Variants in LMBR1 observed in about 807,000 individuals in gnomAD.
LMBR1 encodes the protein limb development membrane protein 1.
A neutral mutation model predicts 73.9 loss-of-function variants in LMBR1; 52 were observed. The ratio of observed to expected loss-of-function variants is 0.70; its 90% CI spans 0.56 to 0.89. LMBR1 has a LOEUF of 0.89. LMBR1 is among the 40% of genes least tolerant of loss of function. The pLI, the probability that LMBR1 is intolerant of heterozygous loss-of-function variation, is 0.00. For missense variants in LMBR1, 539 were observed against 579.8 expected (o/e 0.93, Z 0.72); for synonymous variants, 215 against 209.4 (o/e 1.03, Z -0.23).
At chr7:156,797,137 A>G (rs936485087) in intron 4 of LMBR1, among the ~76,000 whole-genome samples, 2 of 152,192 alleles carry the variant, frequency 1.3e-5, no homozygotes, top group African/African-American at 4.8e-5. Flanking sequence ...ACATCACAGA[A>G]ATTTTGGTAA....
chr7:156,718,811 C>A (rs1813804703), intron 15 of LMBR1, among the ~76,000 whole-genome samples: 2 of 151,588 alleles, frequency 1.3e-5, no homozygotes, highest in Non-Finnish European at 2.9e-5. Context: ...CCCTTACGAT[C>A]ATTTGTCTAG....
At chr7:156,675,476 G>A (rs977220797), downstream of LMBR1, among the ~76,000 whole-genome samples, 1 of 152,190 alleles carries the variant, frequency 6.6e-6, no homozygotes, top group Non-Finnish European at 1.5e-5. Context: ...TTGGGGTAGT[G>A]TGTTCTGGAC....
intron 5 of LMBR1, among the ~76,000 whole-genome samples, chr7:156,784,578 T>G (rs1024261653): frequency 1.3e-5 from 2 of 152,194 alleles, no homozygotes; most frequent in African/African-American, 4.8e-5. Context: ...GCCACATGGT[T>G]TTAATTCTCT....
chr7:156,723,533 G>A (rs2132355498), intron 15 of LMBR1, among the ~76,000 whole-genome samples: 1 of 152,192 alleles, frequency 6.6e-6, no homozygotes, highest in African/African-American at 2.4e-5. Context: ...CTATTTCAAT[G>A]ACAAAGCAAA....
intron 1 of LMBR1, among the ~76,000 whole-genome samples, chr7:156,864,290 C>G (rs1798144489): frequency 6.6e-6 from 1 of 152,266 alleles, no homozygotes; most frequent in African/African-American, 2.4e-5. Context: ...ATAATTAGAA[C>G]CAGTTGTAAT....
At chr7:156,841,746 G>T (rs1030982819) in intron 1 of LMBR1, among the ~76,000 whole-genome samples, 2 of 152,126 alleles carry the variant, frequency 1.3e-5, no homozygotes, top group Non-Finnish European at 2.9e-5. Context: ...AGTAGTGGAG[G>T]TAAAACCCTG....
chr7:156,676,854 A>C (rs192826496), downstream of LMBR1: 13 of 561,944 alleles, frequency 2.3e-5, no homozygotes, highest in East Asian at 3.2e-4. Context: ...CTAAAAAGTA[A>C]ATTTCAAATT....
intron 15 of LMBR1, among the ~76,000 whole-genome samples, chr7:156,714,954 C>CTTTTTTTT (rs58088822): frequency 2.1e-5 from 3 of 142,002 alleles, no homozygotes; most frequent in African/African-American, 7.8e-5. Flanking sequence ...ATACTTTTTT[C>CTTTTTTTT]TTTTTTTTTT....
intron 15 of LMBR1, among the ~76,000 whole-genome samples, chr7:156,703,931 C>T (rs891147128): frequency 1.6e-4 from 24 of 152,284 alleles, no homozygotes; most frequent in African/African-American, 3.6e-4. Context: ...CTGTAAACAT[C>T]GCCTACTGAC....
At chr7:156,797,374 CAA>C (rs1410007566) in intron 4 of LMBR1, among the ~76,000 whole-genome samples, 6 of 152,112 alleles carry the variant, frequency 3.9e-5, no homozygotes, top group Non-Finnish European at 7.4e-5. Context: ...ATAATCATTA[CAA>C]AAGTTTATAA....
chr7:156,763,248 G>T, intron 6 of LMBR1, 72 bp from the exon 7 acceptor site: 1 of 645,280 alleles, frequency 1.5e-6, no homozygotes, highest in Non-Finnish European at 2.6e-6. Flanking sequence ...TCTATCTTAC[G>T]ATAAGATAGA....
intron 5 of LMBR1, among the ~76,000 whole-genome samples, chr7:156,783,617 AT>A (rs545821585): frequency 6.6e-6 from 1 of 151,988 alleles, no homozygotes; most frequent in African/African-American, 2.4e-5. Context: ...GTATTTATTG[AT>A]TTTTTTAAAT....
At chr7:156,832,835 G>A (rs73166187) in intron 3 of LMBR1, among the ~76,000 whole-genome samples, 5,397 of 152,220 alleles carry the variant, frequency 0.035, 157 homozygotes, top group Non-Finnish European at 0.046. Flanking sequence ...ATCAAGGTCA[G>A]GAAAGTCAAG....
intron 9 of LMBR1, among the ~76,000 whole-genome samples, chr7:156,738,105 G>A (rs986055922): frequency 1.3e-5 from 2 of 152,160 alleles, no homozygotes; most frequent in African/African-American, 2.4e-5. Flanking sequence ...TTGAACTGCC[G>A]ATGCCAACCC....
Position 156,680,403 on chromosome 7 carries a change from A to AGAGAGTGTGTGTGTGTGTGT in LMBR1, c.*3674_*3675insACACACACACACACACTCTC, listed in dbSNP as rs1343950098. 12 of 125,068 alleles carry AGAGAGTGTGTGTGTGTGTGT rather than the reference A, an allele frequency of 9.6e-5. No homozygotes were observed. Among genetic ancestry groups the AGAGAGTGTGTGTGTGTGTGT allele is most frequent in the African/African-American group, 2.5e-4 (8 of 32,560 alleles). The allele number at this position is 125,068 out of a possible 1,614,324, so 7.7% of individuals were successfully genotyped here. A position where few individuals can be genotyped will look rare whatever the true frequency, so the allele number is the denominator to read the frequency against. On this transcript the variant is annotated 3_prime_UTR_variant, in exon 17 of 17. Transcript: ENST00000353442. ...GAGAGAGAGAGAGAGAGAGAGAGAG[A>AGAGAGTGTGTGTGTGTGTGT]GTGTGTGTGTGTGTGTGTGTGTAAT...
chr7:156,820,439 T>C (rs1168575617), intron 4 of LMBR1, among the ~76,000 whole-genome samples: 3 of 152,164 alleles, frequency 2.0e-5, no homozygotes, highest in Non-Finnish European at 2.9e-5. Flanking sequence ...CACTGGCCCA[T>C]TATGTTGACG....
intron 4 of LMBR1, among the ~76,000 whole-genome samples, chr7:156,805,662 T>C (rs984292433): frequency 6.6e-6 from 1 of 152,252 alleles, no homozygotes. Flanking sequence ...TGTCAATTTC[T>C]ACAAAGTATG....
At position 156,685,359 on chromosome 7, in the gene LMBR1, C is replaced by T. The variant is rs1022240369; in HGVS notation, c.1388-1196G>A. On this transcript the variant is annotated intron_variant, in intron 16 of 16. Coordinates refer to ENST00000353442, the MANE Select transcript of LMBR1 (RefSeq NM_022458.4). This position sits in a 1 kb window ranked among gnomAD's most constrained non-coding sequence, Gnocchi z 4.1. ...ATACAGCAACACAGTCAGGTGTTGC[C>T]GAACAACAGGAATGCATTCTGAGAA... Among the ~76,000 whole-genome samples, 1 of 152,160 alleles carries T rather than the reference C, an allele frequency of 6.6e-6. No individual in the cohort carries two copies. The highest frequency in any genetic ancestry group is 1.5e-5 in the Non-Finnish European group (1 of 68,030).
intron 15 of LMBR1, among the ~76,000 whole-genome samples, chr7:156,721,597 A>T (rs1286864291): frequency 6.6e-6 from 1 of 152,160 alleles, no homozygotes; most frequent in Non-Finnish European, 1.5e-5. Context: ...GAAAACTTAA[A>T]TATAAACAGG....
Sources: gnomAD v4.1 joint callset for allele counts (sites outside exome capture counted in the v4.1 genomes callset) on GRCh38, gnomAD v4.1.1 for gene constraint, Gnocchi (gnomAD v3.1) non-coding constraint, MANE v1.5 for transcripts, NCBI Gene and HGNC (gene_info 2026-07-23, HGNC 2026-07-21) for gene names.